Variants in RASGRF2 observed in about 807,000 individuals in gnomAD.
RASGRF2 encodes Ras protein specific guanine nucleotide releasing factor 2, also known as ras-specific guanine nucleotide-releasing factor 2.
Under a neutral mutation model 151.0 loss-of-function variants are expected in RASGRF2, and 76 were observed. That is an observed-to-expected ratio of 0.50 (90% confidence interval 0.42 to 0.61). RASGRF2 has a LOEUF of 0.61. Ranked by LOEUF, RASGRF2 falls within the 20% of genes least tolerant of loss-of-function variation. The pLI is 0.00. For missense variants in RASGRF2, 1,148 were observed against 1,564.6 expected, an observed-to-expected ratio of 0.73 and a Z score of 4.49; for synonymous variants, 504 against 566.5, an observed-to-expected ratio of 0.89 and a Z score of 1.57.
At chr5:81,220,627 G>A (rs1412279007) in intron 26 of RASGRF2, among the ~76,000 whole-genome samples, 1 of 152,072 alleles carries the variant, frequency 6.6e-6, no homozygotes, top group African/African-American at 2.4e-5. Context: ...CCGCCACCAC[G>A]CCTGGCTAGT....
At chr5:81,214,203 A>G (rs1489478232) in intron 23 of RASGRF2, among the ~76,000 whole-genome samples, 1 of 152,224 alleles carries the variant, frequency 6.6e-6, no homozygotes, top group East Asian at 1.9e-4. Context: ...TGAGACTAAT[A>G]TTGAAATGAT....
chr5:81,042,027 T>G (rs753215568), intron 1 of RASGRF2, among the ~76,000 whole-genome samples: 1 of 152,250 alleles, frequency 6.6e-6, no homozygotes, highest in Non-Finnish European at 1.5e-5. Context: ...TCTTCTTTTT[T>G]TAATTGCTGA....
chr5:81,073,628 A>ATTTT (rs1050606732), intron 5 of RASGRF2, among the ~76,000 whole-genome samples, 176 bp downstream of exon 5: 1 of 151,266 alleles, frequency 6.6e-6, no homozygotes, highest in South Asian at 2.1e-4. Context: ...TTATTTATTT[A>ATTTT]TTTTTTTTGA....
chr5:81,180,848 C>A (rs1754900950), intron 18 of RASGRF2, among the ~76,000 whole-genome samples: 1 of 152,146 alleles, frequency 6.6e-6, no homozygotes, highest in African/African-American at 2.4e-5. Context: ...ACAGGACACC[C>A]ACTTGTTATC....
intron 17 of RASGRF2, among the ~76,000 whole-genome samples, chr5:81,165,724 C>T (rs900062083): frequency 1.3e-5 from 2 of 152,208 alleles, no homozygotes; most frequent in Non-Finnish European, 2.9e-5. Context: ...TGTGCCTCTG[C>T]TGCTCGTGCC....
At chr5:81,039,293 C>T (rs1750607435) in intron 1 of RASGRF2, among the ~76,000 whole-genome samples, 1 of 151,780 alleles carries the variant, frequency 6.6e-6, no homozygotes, top group Non-Finnish European at 1.5e-5. Flanking sequence ...AAGGGATATA[C>T]CTAAAATATA....
chr5:81,021,559 CGTGTGTGTGT>C (rs34148067), intron 1 of RASGRF2, among the ~76,000 whole-genome samples: 1 of 150,058 alleles, frequency 6.7e-6, no homozygotes, highest in African/African-American at 2.5e-5. Context: ...ATTGTGCGAG[CGTGTGTGTGT>C]GTGTGTGTGT....
intron 16 of RASGRF2, among the ~76,000 whole-genome samples, chr5:81,126,134 T>C (rs993616500): frequency 1.3e-5 from 2 of 152,266 alleles, no homozygotes; most frequent in Non-Finnish European, 2.9e-5. Context: ...CACAGTGGAC[T>C]GTTTTCACTA....
intron 17 of RASGRF2, among the ~76,000 whole-genome samples, chr5:81,133,422 T>C (rs1415460277): frequency 6.6e-6 from 1 of 152,202 alleles, no homozygotes; most frequent in Non-Finnish European, 1.5e-5. Flanking sequence ...AGTAGAAATA[T>C]AAATGTGTGC....
intron 17 of RASGRF2, among the ~76,000 whole-genome samples, chr5:81,174,893 G>A (rs1025604278): frequency 2.6e-5 from 4 of 152,182 alleles, no homozygotes; most frequent in Non-Finnish European, 5.9e-5. Context: ...ATTTAGAAGA[G>A]AGATAGAATT....
intron 25 of RASGRF2, among the ~76,000 whole-genome samples, chr5:81,218,001 C>T (rs913549468): frequency 6.6e-6 from 1 of 152,130 alleles, no homozygotes; most frequent in Non-Finnish European, 1.5e-5. Flanking sequence ...CTGGGACTCC[C>T]AAAGTGCTAG....
intron 3 of RASGRF2, 132 bp downstream of exon 3, chr5:81,068,311 T>G (rs565719660): frequency 9.9e-7 from 1 of 1,012,400 alleles, no homozygotes; most frequent in African/African-American, 1.6e-5. Flanking sequence ...CATACGTGGC[T>G]GGGCCTGACC....
At chr5:81,053,722 A>G in intron 2 of RASGRF2, among the ~76,000 whole-genome samples, 1 of 152,182 alleles carries the variant, frequency 6.6e-6, no homozygotes. Flanking sequence ...CAATGGTTGA[A>G]CTAGTTTACA....
At chr5:81,185,389 A>G (rs990069320) in intron 18 of RASGRF2, among the ~76,000 whole-genome samples, 1 of 152,212 alleles carries the variant, frequency 6.6e-6, no homozygotes, top group African/African-American at 2.4e-5. Flanking sequence ...TGGGGAGTCC[A>G]ATCTGGATGG....
chr5:81,116,359 AG>A (rs1753157074), intron 15 of RASGRF2, among the ~76,000 whole-genome samples: 1 of 152,086 alleles, frequency 6.6e-6, no homozygotes, highest in African/African-American at 2.4e-5. Flanking sequence ...CTGGGATTAC[AG>A]GCATGAGCCA....
At chr5:80,983,654 A>C (rs1372294007) in intron 1 of RASGRF2, among the ~76,000 whole-genome samples, 2 of 152,228 alleles carry the variant, frequency 1.3e-5, no homozygotes, top group African/African-American at 2.4e-5. Context: ...TGCACTGTTC[A>C]TTATGGTAGC....
intron 17 of RASGRF2, among the ~76,000 whole-genome samples, chr5:81,170,104 A>G (rs1754623325): frequency 6.6e-6 from 1 of 151,334 alleles, no homozygotes; most frequent in African/African-American, 2.5e-5. Flanking sequence ...CACCACATGT[A>G]TCACCCATAC....
chr5:81,036,826 C>T (rs1307134275), intron 1 of RASGRF2, among the ~76,000 whole-genome samples: 1 of 152,120 alleles, frequency 6.6e-6, no homozygotes, highest in Non-Finnish European at 1.5e-5. Flanking sequence ...CTCTGTATTT[C>T]TATTTCTTAG....
intron 1 of RASGRF2, among the ~76,000 whole-genome samples, chr5:81,003,217 G>GC (rs1484773729): frequency 7.7e-6 from 1 of 130,616 alleles, no homozygotes; most frequent in African/African-American, 2.7e-5. Context: ...ACCACACCTG[G>GC]CTTTTTTTTT....
Sources: gnomAD v4.1 joint callset for allele counts (sites outside exome capture counted in the v4.1 genomes callset) on GRCh38, gnomAD v4.1.1 for gene constraint, MANE v1.5 for transcripts, NCBI Gene and HGNC (gene_info 2026-07-23, HGNC 2026-07-21) for gene names.